MRPL58: variants seen among roughly 807,000 people sequenced by gnomAD.
MRPL58 encodes mitochondrial ribosomal protein L58, also known as large ribosomal subunit protein mL62.
MRPL58 carries 17 observed loss-of-function variants against 26.0 expected under a neutral mutation model. That is an observed-to-expected ratio of 0.65 (90% confidence interval 0.45 to 0.98). The LOEUF (loss-of-function observed/expected upper bound fraction) is 0.98, where lower values mean the gene tolerates loss of function less well. MRPL58 is among the 50% of genes least tolerant of loss of function. The pLI is 0.00. For synonymous variants in MRPL58, 100 were observed against 99.7 expected (o/e 1.00, Z -0.02); for missense variants, 250 against 269.0 (o/e 0.93, Z 0.49).
At chr17:75,015,572 G>A (rs2039967130) in intron 1 of MRPL58, among the ~76,000 whole-genome samples, 1 of 152,082 alleles carries the variant, frequency 6.6e-6, no homozygotes, top group Non-Finnish European at 1.5e-5. Flanking sequence ...AGTATTTCAA[G>A]GGCATGTCAG....
chr17:75,016,110 GA>G (rs1444207090), intron 1 of MRPL58, among the ~76,000 whole-genome samples: 1 of 149,566 alleles, frequency 6.7e-6, no homozygotes, highest in Non-Finnish European at 1.5e-5. Context: ...TAAGATAAAA[GA>G]AATGAAGACA....
chr17:75,017,605 G>A lies in MRPL58; in HGVS notation c.223+491G>A, dbSNP rs569059271. 1.6e-4 allele frequency among the ~76,000 whole-genome samples: 24 copies of A among 152,032 alleles called. 1 individual carries two copies. In the South Asian group the frequency reaches 4.6e-3, roughly 29 times the overall value. On this transcript the variant is annotated intron_variant, in intron 2 of 5. Transcript: ENST00000301585. ...CTCTACTAAAAATACAAAATTAGCC[G>A]GGTGTGGTGGCGAGGGCCTGTAATC...
intron 1 of MRPL58, among the ~76,000 whole-genome samples, chr17:75,014,179 CTTTTTTTTT>C (rs570042413): frequency 2.6e-5 from 2 of 77,020 alleles, no homozygotes; most frequent in Admixed American, 1.8e-4. Context: ...AGTCTGGGGC[CTTTTTTTTT>C]TTTTTTTTTT....
At position 75,012,706 on chromosome 17, in the gene MRPL58, T is replaced by A. The variant is rs773141152; in HGVS notation, c.20T>A (p.Leu7Gln). 6.4e-7 allele frequency: 1 copy of A among 1,561,134 alleles called. No individual in the cohort carries two copies. Among genetic ancestry groups the A allele is most frequent in the Admixed American group, 1.9e-5 (1 of 52,230 alleles). Residue 7 changes from leucine (L) to glutamine (Q), a missense_variant, in exon 1 of 6, where the codon CTG becomes CAG. Transcript: ENST00000301585. MAATRC[L>Q]RWGLSRAGVW... ...CTGAGCATGGCGGCCACCAGGTGCC[T>A]GCGCTGGGGCCTGAGCCGAGCCGGA... is the stretch of plus-strand genomic sequence containing the variant.
At position 75,021,013 on chromosome 17, in the gene MRPL58, C is replaced by T; in HGVS notation, c.*8C>T. 6.2e-7 allele frequency: 1 copy of T among 1,604,368 alleles called. No homozygotes were observed. The highest frequency in any genetic ancestry group is 8.5e-7 in the Non-Finnish European group (1 of 1,171,056). On this transcript the variant is annotated 3_prime_UTR_variant, in exon 6 of 6. Transcript: ENST00000301585. ...AGGGTCGACATGGACTGAAATCACC[C>T]TCTGCAGCTGGGAGGGCTCTTCTGG...
At chr17:75,015,344 CGTG>C (rs2039965250) in intron 1 of MRPL58, among the ~76,000 whole-genome samples, 1 of 152,100 alleles carries the variant, frequency 6.6e-6, no homozygotes, top group Non-Finnish European at 1.5e-5. Flanking sequence ...ATTAGTCGGG[CGTG>C]GTGGCACACG....
At chr17:75,020,056 ATT>A (rs35323952) in intron 3 of MRPL58, among the ~76,000 whole-genome samples, 13,724 of 123,634 alleles carry the variant, frequency 0.11, 741 homozygotes, top group African/African-American at 0.22. Context: ...CATTCCCTCC[ATT>A]TTTTTTTTTT....
At chr17:75,013,164 G>A (rs900916345) in intron 1 of MRPL58, among the ~76,000 whole-genome samples, 2 of 152,206 alleles carry the variant, frequency 1.3e-5, no homozygotes, top group Non-Finnish European at 2.9e-5. Flanking sequence ...GGGGAAATAC[G>A]GGCATTCTGG....
rs530789756 is a variant in MRPL58, at chr17:75,015,432, C to T, written c.187-1646C>T. Among the ~76,000 whole-genome samples the T allele has an allele frequency of 1.1e-3, 160 of 152,180 alleles. 1 individual carries two copies. Among genetic ancestry groups the T allele is most frequent in the African/African-American group, 3.7e-3 (152 of 41,510 alleles). On this transcript the variant is annotated intron_variant, in intron 1 of 5. Transcript: ENST00000301585. ...CCAGGAGGCAGAGGTTGCAGTGAGC[C>T]GAGATTGCACCACTGCACTCCAACC...
At chr17:75,018,988 G>A (rs561437397) in intron 2 of MRPL58, among the ~76,000 whole-genome samples, 1 of 152,244 alleles carries the variant, frequency 6.6e-6, no homozygotes, top group South Asian at 2.1e-4. Flanking sequence ...GTGCCCGCCT[G>A]TAGTCTCAGC....
intron 1 of MRPL58, among the ~76,000 whole-genome samples, chr17:75,016,370 C>A (rs111512583): frequency 0.055 from 8,421 of 151,848 alleles, 592 homozygotes; most frequent in African/African-American, 0.17. Flanking sequence ...GAGCTGAGAT[C>A]GCACTATTGT....
At chr17:75,018,629 G>A (rs952822196) in intron 2 of MRPL58, 1 of 152,100 alleles carries the variant, frequency 6.6e-6, no homozygotes, top group Non-Finnish European at 1.5e-5. Flanking sequence ...TACAGTGACT[G>A]CCTGGAGGAA....
intron 2 of MRPL58, 40 bp from the exon 3 acceptor site, chr17:75,019,660 G>A (rs368862623): frequency 1.3e-4 from 210 of 1,575,124 alleles, no homozygotes; most frequent in Non-Finnish European, 1.7e-4. Flanking sequence ...CATGCCATGA[G>A]GTAATCAGTT....
chr17:75,012,833 C>G lies in MRPL58; in HGVS notation c.147C>G (p.Tyr49Ter), dbSNP rs942067737. Residue 49 changes from tyrosine (Y) to a stop codon, truncating the protein, a stop_gained, in exon 1 of 6, where the codon TAC becomes TAG. Transcript: ENST00000301585. LOFTEE classifies it high-confidence loss of function. ...FKSIYSLDKL[Y>*]PESQGSDTAW... ...GCATCTACAGCCTGGACAAGCTCTA[C>G]CCCGAATCTCAGGGCTCGGACACCG... 6.2e-7 allele frequency: 1 copy of G among 1,612,366 alleles called. No homozygotes were observed. The highest frequency in any genetic ancestry group is 8.5e-7 in the Non-Finnish European group (1 of 1,179,570).
chr17:75,018,591 T>G (rs1905034013), intron 2 of MRPL58: 1 of 152,052 alleles, frequency 6.6e-6, no homozygotes, highest in South Asian at 2.1e-4. Context: ...TGTAGAGAGA[T>G]ATCTATATCT....
chr17:75,020,997 A>G lies in MRPL58; in HGVS notation c.613A>G (p.Met205Val). ...TGTAAAGACAAGCAGGAGGGTCGAC[A>G]TGGACTGAAATCACCCTCTGCAGCT... ...SAVKTSRRVD[M>V]D is the part of the protein sequence containing the mutation. The change falls in exon 6 of 6, where the codon ATG becomes GTG. Residue 205 changes from methionine (M) to valine (V), a missense_variant. Transcript: ENST00000301585. The G allele has an allele frequency of 6.2e-7, 1 of 1,612,390 alleles. No individual in the cohort carries two copies. The highest frequency in any genetic ancestry group is 1.1e-5 in the South Asian group (1 of 91,056).
At chr17:75,019,792 A>C (rs765849311) in intron 3 of MRPL58, 33 bp downstream of exon 3, 7 of 1,563,578 alleles carry the variant, frequency 4.5e-6, no homozygotes, top group South Asian at 2.3e-5. Flanking sequence ...CTTTTGCTTT[A>C]AAATGTAGCT....
rs767280345 is a variant in MRPL58, at chr17:75,012,857, C to G, written c.171C>G (p.Thr57=). Residue 57 remains threonine (T), a synonymous_variant, in exon 1 of 6, where the codon ACC becomes ACG. Coordinates refer to ENST00000301585, the MANE Select transcript of MRPL58 (RefSeq NM_001545.3). ...KLYPESQGSD[T]AWRVPNGAKQ... ...ACCCCGAATCTCAGGGCTCGGACAC[C>G]GCCTGGAGGGTCCCGGTGAGCCGGG... 1 of 1,609,152 alleles carries G rather than the reference C, an allele frequency of 6.2e-7. No homozygotes were observed. The highest frequency in any genetic ancestry group is 1.3e-5 in the African/African-American group (1 of 74,262).
At chr17:75,014,176 G>C (rs908301433) in intron 1 of MRPL58, among the ~76,000 whole-genome samples, 3 of 141,024 alleles carry the variant, frequency 2.1e-5, no homozygotes, top group African/African-American at 8.1e-5. Context: ...TGAAGTCTGG[G>C]GCCTTTTTTT....
Sources: gnomAD v4.1 joint callset for allele counts (sites outside exome capture counted in the v4.1 genomes callset) on GRCh38, gnomAD v4.1.1 for gene constraint, MANE v1.5 for transcripts, NCBI Gene and HGNC (gene_info 2026-07-23, HGNC 2026-07-21) for gene names.